Variants in RABGAP1L observed in about 807,000 individuals in gnomAD.
RABGAP1L encodes rab GTPase-activating protein 1-like.
In RABGAP1L, 63 loss-of-function variants were observed where a neutral mutation model predicts 137.7. That is an observed-to-expected ratio of 0.46 (90% CI 0.37 to 0.56). RABGAP1L has a LOEUF of 0.56. Among genes scored for constraint, RABGAP1L ranks in the 20% least tolerant of loss-of-function variants. RABGAP1L has a pLI of 0.00. For missense variants in RABGAP1L, 1,095 were observed against 1,244.0 expected (o/e 0.88, Z 1.80); for synonymous variants, 431 against 433.7 (o/e 0.99, Z 0.08).
intron 7 of RABGAP1L, among the ~76,000 whole-genome samples, chr1:174,260,773 A>G (rs908763258): frequency 6.6e-6 from 1 of 152,144 alleles, no homozygotes; most frequent in Non-Finnish European, 1.5e-5. Flanking sequence ...TGTTACCTAA[A>G]TGCACTATTA....
At chr1:174,499,392 A>T (rs1443808679) in intron 13 of RABGAP1L, among the ~76,000 whole-genome samples, 3 of 152,232 alleles carry the variant, frequency 2.0e-5, no homozygotes, top group Admixed American at 1.3e-4. Flanking sequence ...AACTACAGGT[A>T]TATTTTGGCA....
intron 17 of RABGAP1L, among the ~76,000 whole-genome samples, chr1:174,720,818 A>G (rs981284371): frequency 6.6e-6 from 1 of 152,216 alleles, no homozygotes; most frequent in African/African-American, 2.4e-5. Context: ...AGATGATGCA[A>G]TGTTCAGGAA....
chr1:174,916,079 T>G (rs550464715), intron 19 of RABGAP1L, among the ~76,000 whole-genome samples: 3 of 150,694 alleles, frequency 2.0e-5, no homozygotes, highest in Admixed American at 6.6e-5. Context: ...TTCTTTAGTT[T>G]TTTTTTTTTT....
At chr1:174,175,955 A>G (rs76079355) in intron 1 of RABGAP1L, among the ~76,000 whole-genome samples, 3,375 of 152,194 alleles carry the variant, frequency 0.022, 59 homozygotes, top group Middle Eastern at 0.088. Context: ...ATAGTCCTGT[A>G]TTACTAACAG....
intron 10 of RABGAP1L, among the ~76,000 whole-genome samples, chr1:174,292,711 G>A (rs887438017): frequency 1.3e-5 from 2 of 152,120 alleles, no homozygotes; most frequent in African/African-American, 4.8e-5. Context: ...TGTAAGGGAT[G>A]TGTGCTCTGC....
At chr1:174,400,106 G>A (rs1648382578) in intron 13 of RABGAP1L, among the ~76,000 whole-genome samples, 1 of 152,178 alleles carries the variant, frequency 6.6e-6, no homozygotes, top group Non-Finnish European at 1.5e-5. Flanking sequence ...CAGGCTAGGT[G>A]GAGCCTACAA....
chr1:174,908,809 G>A (rs1659556143), intron 19 of RABGAP1L, among the ~76,000 whole-genome samples: 1 of 150,392 alleles, frequency 6.6e-6, no homozygotes, highest in Non-Finnish European at 1.5e-5. Flanking sequence ...CTCCCCAAGT[G>A]CTGGGATTAC....
intron 10 of RABGAP1L, among the ~76,000 whole-genome samples, chr1:174,280,535 C>T (rs1029952884): frequency 2.0e-5 from 3 of 152,140 alleles, no homozygotes; most frequent in African/African-American, 7.2e-5. Context: ...TGCCCTGTTC[C>T]CAAACTATTT....
chr1:174,536,975 T>TAG (rs1265023308), intron 13 of RABGAP1L, among the ~76,000 whole-genome samples: 5 of 152,182 alleles, frequency 3.3e-5, no homozygotes, highest in African/African-American at 1.2e-4. Context: ...TTTGAATTTG[T>TAG]AGAGCATAAG....
chr1:174,721,179 A>G (rs1443033887), intron 17 of RABGAP1L, among the ~76,000 whole-genome samples: 1 of 152,232 alleles, frequency 6.6e-6, no homozygotes, highest in Non-Finnish European at 1.5e-5. Context: ...GCAAAGAGTT[A>G]TGTGGTATTA....
At chr1:174,505,785 A>T (rs191791726) in intron 13 of RABGAP1L, among the ~76,000 whole-genome samples, 156 of 152,328 alleles carry the variant, frequency 1.0e-3, no homozygotes, top group African/African-American at 3.4e-3. Context: ...GGATCCAGTA[A>T]TCCCAATAAT....
intron 19 of RABGAP1L, among the ~76,000 whole-genome samples, chr1:174,847,161 T>C (rs1290612366): frequency 6.7e-6 from 1 of 149,774 alleles, no homozygotes. Context: ...AGCACACTGT[T>C]GGGTCTTGAC....
intron 11 of RABGAP1L, among the ~76,000 whole-genome samples, chr1:174,327,994 T>TATATATATATATATATATATATACAC (rs1680664369): frequency 2.6e-5 from 2 of 77,394 alleles, no homozygotes; most frequent in East Asian, 6.9e-4. Context: ...CACATATATA[T>TATATATATATATATATATATATACAC]ATATATATAT....
At chr1:174,898,351 T>A (rs943273339) in intron 19 of RABGAP1L, among the ~76,000 whole-genome samples, 2 of 152,250 alleles carry the variant, frequency 1.3e-5, no homozygotes, top group African/African-American at 4.8e-5. Context: ...AGGGCTGTGC[T>A]CTTAATAATT....
chr1:174,749,882 A>G (rs1306152919), intron 17 of RABGAP1L, among the ~76,000 whole-genome samples: 2 of 151,706 alleles, frequency 1.3e-5, no homozygotes, highest in East Asian at 3.9e-4. Context: ...TCTTTATTTT[A>G]TTTTATTTTT....
chr1:174,470,536 A>G (rs773883799), intron 13 of RABGAP1L, among the ~76,000 whole-genome samples: 20 of 152,190 alleles, frequency 1.3e-4, no homozygotes, highest in Non-Finnish European at 2.8e-4. Context: ...GAAAGCTGAG[A>G]CAGGTGGATC....
intron 12 of RABGAP1L, 111 bp downstream of exon 12, chr1:174,371,183 T>G: frequency 2.4e-6 from 1 of 419,818 alleles, no homozygotes; most frequent in Non-Finnish European, 4.1e-6. Context: ...TATTAAAATC[T>G]ATCTTAATAT....
chr1:174,181,323 AG>A (rs1411130642), intron 1 of RABGAP1L, among the ~76,000 whole-genome samples: 2 of 150,392 alleles, frequency 1.3e-5, no homozygotes, highest in Non-Finnish European at 3.0e-5. Context: ...ATTTTATACA[AG>A]GGTCTTTCTT....
At chr1:174,664,730 C>CTTTTTTTGTTTT (rs747671420) in intron 14 of RABGAP1L, among the ~76,000 whole-genome samples, 1 of 98,914 alleles carries the variant, frequency 1.0e-5, no homozygotes, top group Admixed American at 1.0e-4. Context: ...TTTCTTTCTG[C>CTTTTTTTGTTTT]TTTCTTTTTT....
Sources: allele counts gnomAD v4.1 joint callset (sites outside exome capture counted in the v4.1 genomes callset), GRCh38; gene constraint gnomAD v4.1.1; transcripts MANE v1.5; gene names NCBI Gene and HGNC (gene_info 2026-07-23, HGNC 2026-07-21).